The following TRAPPC9 variants were observed in gnomAD, a reference collection of about 807,000 sequenced individuals.
The protein encoded by TRAPPC9 is IKK2 binding protein.
In TRAPPC9, 83 loss-of-function variants were observed where a neutral mutation model predicts 124.0. The ratio of observed to expected loss-of-function variants is 0.67; its 90% CI spans 0.56 to 0.80. The LOEUF is 0.80. Ranked by LOEUF, TRAPPC9 falls within the 30% of genes least tolerant of loss-of-function variation. The pLI is 0.00. For synonymous variants in TRAPPC9, 638 were observed against 617.5 expected, an observed-to-expected ratio of 1.03 and a Z score of -0.49; for missense variants, 1,302 against 1,508.3, an observed-to-expected ratio of 0.86 and a Z score of 2.27.
rs550057065 is a variant in TRAPPC9, at chr8:140,333,414, C to T, written c.1496-22040G>A. Reference sequence around the variant, plus strand: ...GTTTTGTTTGTTGTTGTTGTTGAGACGGAGTCTCACTCTTGTCGCCCAGGC... The same window carrying T: ...GTTTTGTTTGTTGTTGTTGTTGAGATGGAGTCTCACTCTTGTCGCCCAGGC... On this transcript the variant is annotated intron_variant, in intron 9 of 22. Coordinates refer to ENST00000438773, the MANE Select transcript of TRAPPC9 (RefSeq NM_001160372.4). Among the ~76,000 whole-genome samples, 9 of 152,240 alleles carry T rather than the reference C, an allele frequency of 5.9e-5. No homozygotes were observed. In the South Asian group the frequency reaches 1.0e-3, roughly 18 times the overall value.
At chr8:140,363,254 T>C (rs761609531) in intron 8 of TRAPPC9, among the ~76,000 whole-genome samples, 57 of 152,352 alleles carry the variant, frequency 3.7e-4, no homozygotes, top group Middle Eastern at 3.4e-3. Context: ...AAGCGGCCCC[T>C]TAAGCCGGCA....
chr8:140,318,955 C>T (rs1335516965), intron 9 of TRAPPC9, among the ~76,000 whole-genome samples: 2 of 152,116 alleles, frequency 1.3e-5, no homozygotes, highest in African/African-American at 2.4e-5. Context: ...GGACACAAGG[C>T]CGTGGTGGCT....
chr8:140,432,092 G>C (rs2070666422), intron 4 of TRAPPC9, among the ~76,000 whole-genome samples: 1 of 152,038 alleles, frequency 6.6e-6, no homozygotes, highest in Non-Finnish European at 1.5e-5. Context: ...TTCAAATGAA[G>C]GAAGCCTTGT....
intron 17 of TRAPPC9, among the ~76,000 whole-genome samples, chr8:140,123,230 C>T (rs1460397494): frequency 6.6e-6 from 1 of 152,146 alleles, no homozygotes; most frequent in Non-Finnish European, 1.5e-5. Flanking sequence ...TCACGTCCGC[C>T]ATGACACCCC....
intron 17 of TRAPPC9, among the ~76,000 whole-genome samples, chr8:140,082,314 T>C (rs1843877052): frequency 6.6e-6 from 1 of 152,092 alleles, no homozygotes; most frequent in East Asian, 1.9e-4. Flanking sequence ...CAGCAATGTG[T>C]TTTCTAAGGA....
At chr8:140,029,406 G>A (rs1407390007) in intron 17 of TRAPPC9, among the ~76,000 whole-genome samples, 1 of 152,310 alleles carries the variant, frequency 6.6e-6, no homozygotes, top group South Asian at 2.1e-4. Context: ...TCAGGAGGCT[G>A]AGGCATGAGA....
At chr8:140,261,470 T>C (rs73714835) in intron 15 of TRAPPC9, among the ~76,000 whole-genome samples, 14,533 of 152,226 alleles carry the variant, frequency 0.095, 1,069 homozygotes, top group African/African-American at 0.2. Context: ...GTAAAGTTTA[T>C]AATACCATTA....
At chr8:140,262,656 T>A (rs1445082932) in intron 15 of TRAPPC9, 1 of 152,236 alleles carries the variant, frequency 6.6e-6, no homozygotes, top group East Asian at 1.9e-4. Flanking sequence ...GCAGTCGGAA[T>A]TCAGTTCAAT....
intron 7 of TRAPPC9, among the ~76,000 whole-genome samples, chr8:140,374,645 G>T (rs2068382887): frequency 6.6e-6 from 1 of 152,098 alleles, no homozygotes; most frequent in Non-Finnish European, 1.5e-5. Context: ...CACAAATCTG[G>T]AAATGCCCAG....
intron 21 of TRAPPC9, among the ~76,000 whole-genome samples, chr8:139,874,847 G>A (rs1363664966): frequency 6.6e-6 from 1 of 152,196 alleles, no homozygotes; most frequent in Non-Finnish European, 1.5e-5. Context: ...ATCGCCCTGA[G>A]CGCCGTGGGA....
intron 21 of TRAPPC9, among the ~76,000 whole-genome samples, chr8:139,882,190 G>A (rs1038059705): frequency 5.9e-5 from 9 of 152,174 alleles, no homozygotes; most frequent in Admixed American, 1.3e-4. Context: ...CTTTGCAGGC[G>A]GTAGGGATTT....
intron 17 of TRAPPC9, among the ~76,000 whole-genome samples, chr8:140,071,410 A>C (rs1843151894): frequency 6.6e-6 from 1 of 152,194 alleles, no homozygotes; most frequent in Non-Finnish European, 1.5e-5. Flanking sequence ...TTCTGTGGGC[A>C]AGGAGACTGG....
At chr8:140,236,184 G>A (rs1057394744) in intron 16 of TRAPPC9, among the ~76,000 whole-genome samples, 3 of 147,834 alleles carry the variant, frequency 2.0e-5, no homozygotes, top group Non-Finnish European at 4.4e-5. Flanking sequence ...CCAGGCTCAA[G>A]CGATTCTCCT....
In TRAPPC9 at chr8:139,775,186, G is replaced by A. The variant is rs540989895; in HGVS notation, c.3056-42984C>T. 4.6e-5 allele frequency among the ~76,000 whole-genome samples: 7 copies of A among 152,282 alleles called. No homozygotes were observed. The South Asian group carries it at 1.5e-3, about 32-fold the overall frequency. On this transcript the variant is annotated intron_variant, in intron 21 of 22. Transcript: ENST00000438773. ...ACTCACATCCACCCAGGGGCTCACA[G>A]GGCCATGTCCACAACAGGTGGGAGG...
At position 139,804,642 on chromosome 8, in the gene TRAPPC9, ACCG is replaced by A. The variant is rs1310223761; in HGVS notation, c.3056-72443_3056-72441del. Among the ~76,000 whole-genome samples, 108 of 92,506 alleles carry A rather than the reference ACCG, an allele frequency of 1.2e-3. 10 individuals are homozygous for A. Among genetic ancestry groups the A allele is most frequent in the African/African-American group, 4.3e-3 (94 of 21,688 alleles). The allele number at this position is 92,506 out of a possible 152,430, so 60.7% of individuals were successfully genotyped here. On this transcript the variant is annotated intron_variant, in intron 21 of 22. Coordinates refer to ENST00000438773, the MANE Select transcript of TRAPPC9 (RefSeq NM_001160372.4). ...CCACCCACCACCGCCACCAAGCACC[ACCG>A]CCACCACCCACCACCGCCACCAAGC...
At chr8:140,205,654 A>G (rs2062900875) in intron 17 of TRAPPC9, among the ~76,000 whole-genome samples, 1 of 152,242 alleles carries the variant, frequency 6.6e-6, no homozygotes, top group Non-Finnish European at 1.5e-5. Context: ...ACAGATGAGG[A>G]GGAGGAATCC....
chr8:139,851,093 C>T (rs1827414308), intron 21 of TRAPPC9, among the ~76,000 whole-genome samples: 1 of 152,196 alleles, frequency 6.6e-6, no homozygotes, highest in Non-Finnish European at 1.5e-5. Context: ...TCATGGGTTC[C>T]TTACACACTG....
chr8:140,300,277 G>A (rs113943686), intron 11 of TRAPPC9, among the ~76,000 whole-genome samples, 192 bp downstream of exon 11: 40 of 142,230 alleles, frequency 2.8e-4, no homozygotes, highest in African/African-American at 8.9e-4. Context: ...ACATATGCAC[G>A]CATGCACACA....
At chr8:140,023,754 G>C (rs1420348553) in intron 18 of TRAPPC9, among the ~76,000 whole-genome samples, 183 bp downstream of exon 18, 1 of 152,208 alleles carries the variant, frequency 6.6e-6, no homozygotes, top group African/African-American at 2.4e-5. Context: ...CCACCTGAGA[G>C]GCAGTTCTCA....
Sources: gnomAD v4.1 joint callset for allele counts (sites outside exome capture counted in the v4.1 genomes callset) on GRCh38, gnomAD v4.1.1 for gene constraint, MANE v1.5 for transcripts, NCBI Gene and HGNC (gene_info 2026-07-23, HGNC 2026-07-21) for gene names.